Variants in FOXP2 observed in about 807,000 individuals in gnomAD.
FOXP2 encodes forkhead box protein P2.
A neutral mutation model predicts 115.8 loss-of-function variants in FOXP2; 12 were observed. The ratio of observed to expected loss-of-function variants is 0.10; its 90% CI spans 0.07 to 0.17. FOXP2 has a LOEUF of 0.17. FOXP2 is among the 10% of genes least tolerant of loss of function. The pLI is 1.00. For missense variants in FOXP2, 629 were observed against 843.5 expected (o/e 0.75, Z 3.15); for synonymous variants, 328 against 297.7 (o/e 1.10, Z -1.05).
At chr7:114,673,753 G>T (rs529428850) in intron 16 of FOXP2, among the ~76,000 whole-genome samples, 1 of 152,266 alleles carries the variant, frequency 6.6e-6, no homozygotes, top group Non-Finnish European at 1.5e-5. Flanking sequence ...AGGCTGGAGT[G>T]CATTGGCACG....
chr7:114,572,981 A>G (rs1315319727), intron 3 of FOXP2, among the ~76,000 whole-genome samples: 2 of 151,852 alleles, frequency 1.3e-5, no homozygotes, highest in South Asian at 2.1e-4. Context: ...TGCAGTGTTA[A>G]GTAGAAGTCT....
At chr7:114,352,609 G>C (rs940407489) in intron 2 of FOXP2, among the ~76,000 whole-genome samples, 4 of 152,164 alleles carry the variant, frequency 2.6e-5, no homozygotes, top group African/African-American at 4.8e-5. Context: ...GTGTTGGCAG[G>C]GTTGGCTCCC....
intron 2 of FOXP2, among the ~76,000 whole-genome samples, chr7:114,330,512 A>AT (rs1797680075): frequency 6.7e-6 from 1 of 149,554 alleles, no homozygotes; most frequent in African/African-American, 2.4e-5. Context: ...ATATATATAT[A>AT]TGTACACACA....
At chr7:114,614,145 C>A (rs868577409) in intron 3 of FOXP2, among the ~76,000 whole-genome samples, 8 of 152,174 alleles carry the variant, frequency 5.3e-5, no homozygotes, top group African/African-American at 1.9e-4. Flanking sequence ...ATAGATACTA[C>A]CCAAATACTG....
chr7:114,214,034 T>C (rs1270182083), intron 1 of FOXP2, among the ~76,000 whole-genome samples: 2 of 152,218 alleles, frequency 1.3e-5, no homozygotes, highest in Non-Finnish European at 1.5e-5. Flanking sequence ...GATACACTTA[T>C]TTATTAAACT....
intron 2 of FOXP2, among the ~76,000 whole-genome samples, chr7:114,390,522 G>GTATTTATTTATGTATT (rs1554382698): frequency 3.4e-5 from 5 of 148,264 alleles, no homozygotes; most frequent in Non-Finnish European, 7.4e-5. Flanking sequence ...TTTTATTTAT[G>GTATTTATTTATGTATT]TATTTATTTA....
At chr7:114,529,282 G>T (rs1370014450) in intron 2 of FOXP2, among the ~76,000 whole-genome samples, 1 of 151,812 alleles carries the variant, frequency 6.6e-6, no homozygotes, top group Non-Finnish European at 1.5e-5. Flanking sequence ...TCATCTGGGG[G>T]TTTGGAGCCA....
At chr7:114,578,338 G>T (rs2129299885) in intron 3 of FOXP2, among the ~76,000 whole-genome samples, 1 of 152,096 alleles carries the variant, frequency 6.6e-6, no homozygotes, top group African/African-American at 2.4e-5. Flanking sequence ...CAAAGGAAGG[G>T]ATGTCTGCTT....
intron 2 of FOXP2, among the ~76,000 whole-genome samples, chr7:114,513,323 G>A (rs1201249097): frequency 6.6e-6 from 1 of 151,902 alleles, no homozygotes; most frequent in African/African-American, 2.4e-5. Context: ...TAATGCATTG[G>A]GATATCATTA....
At chr7:114,100,104 G>A (rs1799744794) in intron 1 of FOXP2, among the ~76,000 whole-genome samples, 1 of 151,902 alleles carries the variant, frequency 6.6e-6, no homozygotes, top group Admixed American at 6.6e-5. Context: ...TCTAATATTT[G>A]AAAAAAATTA....
At chr7:114,114,907 CA>C (rs1207896475) in intron 1 of FOXP2, among the ~76,000 whole-genome samples, 3 of 152,036 alleles carry the variant, frequency 2.0e-5, no homozygotes, top group Non-Finnish European at 4.4e-5. Flanking sequence ...AGAACTGAAA[CA>C]AGGAAAGTTA....
intron 1 of FOXP2, among the ~76,000 whole-genome samples, chr7:114,148,552 T>G (rs1308813727): frequency 6.6e-6 from 1 of 152,150 alleles, no homozygotes; most frequent in Non-Finnish European, 1.5e-5. Flanking sequence ...AATTTTGCAT[T>G]AGTTGGTGCA....
At chr7:114,659,991 A>C (rs1806782008) in intron 13 of FOXP2, among the ~76,000 whole-genome samples, 1 of 152,146 alleles carries the variant, frequency 6.6e-6, no homozygotes, top group Non-Finnish European at 1.5e-5. Context: ...CTTGCATATT[A>C]TTGGCTAATT....
chr7:114,408,770 G>T (rs1793097275), intron 2 of FOXP2, among the ~76,000 whole-genome samples: 1 of 151,718 alleles, frequency 6.6e-6, no homozygotes, highest in South Asian at 2.1e-4. Context: ...TAAATACAAT[G>T]AATGTGTGCC....
chr7:114,184,634 G>A (rs531264350), intron 1 of FOXP2, among the ~76,000 whole-genome samples: 1 of 152,234 alleles, frequency 6.6e-6, no homozygotes, highest in African/African-American at 2.4e-5. Flanking sequence ...ACGTAGAAAT[G>A]AGAAGTTTCA....
chr7:114,643,005 G>A (rs1297431003), intron 7 of FOXP2, among the ~76,000 whole-genome samples: 5 of 150,842 alleles, frequency 3.3e-5, no homozygotes, highest in African/African-American at 1.2e-4. Flanking sequence ...TAGAGACGGG[G>A]TTTCACCATG....
At chr7:114,097,419 C>A (rs1319682377) in intron 1 of FOXP2, among the ~76,000 whole-genome samples, 2 of 152,232 alleles carry the variant, frequency 1.3e-5, no homozygotes, top group African/African-American at 4.8e-5. Flanking sequence ...TGTCACTTAG[C>A]GTAATGCATT....
chr7:114,246,718 T>C (rs1282178677), intron 1 of FOXP2, among the ~76,000 whole-genome samples: 2 of 152,114 alleles, frequency 1.3e-5, no homozygotes, highest in African/African-American at 2.4e-5. Flanking sequence ...CGATGCCTGG[T>C]TTTCAAATCC....
chr7:114,173,166 A>C (rs1226577760), intron 1 of FOXP2, among the ~76,000 whole-genome samples: 7 of 151,956 alleles, frequency 4.6e-5, no homozygotes, highest in African/African-American at 1.4e-4. Context: ...GCAGTTGTCT[A>C]TCATTCTGAG....
Sources: allele counts gnomAD v4.1 joint callset (sites outside exome capture counted in the v4.1 genomes callset), GRCh38; gene constraint gnomAD v4.1.1; transcripts MANE v1.5; gene names NCBI Gene and HGNC (gene_info 2026-07-23, HGNC 2026-07-21).